PFKFB3: variants seen among roughly 807,000 people sequenced by gnomAD.
The protein encoded by PFKFB3 is 6-phosphofructo-2-kinase/fructose-2,6-bisphosphatase 3.
In PFKFB3, 33 loss-of-function variants were observed where a neutral mutation model predicts 68.0. That is an observed-to-expected ratio of 0.49 (90% CI 0.37 to 0.65). PFKFB3 has a LOEUF of 0.65. PFKFB3 is among the 30% of genes least tolerant of loss of function. PFKFB3 has a pLI of 0.00. For synonymous variants in PFKFB3, 315 were observed against 288.2 expected (o/e 1.09, Z -0.94); for missense variants, 586 against 712.2 (o/e 0.82, Z 2.02).
At chr10:6,218,033 T>C (rs1039622267) in intron 6 of PFKFB3, among the ~76,000 whole-genome samples, 2 of 152,352 alleles carry the variant, frequency 1.3e-5, no homozygotes, top group Admixed American at 1.3e-4. Flanking sequence ...GGAAATGAAT[T>C]CCTGTTTCAG....
intron 1 of PFKFB3, among the ~76,000 whole-genome samples, chr10:6,205,656 G>T (rs948304089): frequency 6.6e-5 from 10 of 152,090 alleles, no homozygotes; most frequent in African/African-American, 2.2e-4. Flanking sequence ...GCCTCCCAAA[G>T]TGCTGGGATT....
At chr10:6,149,721 T>C (rs1841515842) in intron 1 of PFKFB3, 1 of 160,042 alleles carries the variant, frequency 6.2e-6, no homozygotes, top group Non-Finnish European at 1.5e-5. Context: ...CCTTCCTCCC[T>C]CACCACTCCA....
the PFKFB3 span, among the ~76,000 whole-genome samples, chr10:6,303,282 AAAAG>A: frequency 4.7e-4 from 72 of 152,348 alleles, 1 homozygote; most frequent in Admixed American, 4.4e-3. Flanking sequence ...AAGAAAAAGA[AAAAG>A]AAAGAAAGAT....
At position 6,222,908 on chromosome 10, in the gene PFKFB3, G is replaced by A. The variant is rs1326813658; in HGVS notation, c.1137G>A (p.Arg379=). Residue 379 remains arginine (R), a synonymous_variant, in exon 11 of 15, where the codon CGG becomes CGA. Transcript: ENST00000379775. The stretch of plus-strand genomic sequence containing the variant: ...AGCCAGTGATCATGGAGCTGGAGCG[G>A]CAGGAGAATGTGCTGGTCATCTGCC... ...RLEPVIMELE[R]QENVLVICHQ... 1 of 1,613,760 alleles carries A rather than the reference G, an allele frequency of 6.2e-7. No homozygotes were observed. Among genetic ancestry groups the A allele is most frequent in the African/African-American group, 1.3e-5 (1 of 74,924 alleles).
chr10:6,217,074 G>A, intron 5 of PFKFB3, 61 bp from the exon 6 acceptor site: 1 of 1,528,224 alleles, frequency 6.5e-7, no homozygotes, highest in Middle Eastern at 1.7e-4. Context: ...ACATCGCAGT[G>A]ATGGCAAGGT....
chr10:6,201,001 G>C (rs1296030492), upstream of PFKFB3, among the ~76,000 whole-genome samples: 2 of 152,200 alleles, frequency 1.3e-5, no homozygotes, highest in Non-Finnish European at 2.9e-5. This position sits in a 1 kb window ranked among gnomAD's most constrained non-coding sequence, Gnocchi z 4.1. Context: ...TGTGGAAGAA[G>C]GCCCCCTGGT....
chr10:6,275,657 C>T, the PFKFB3 span, among the ~76,000 whole-genome samples: 1 of 152,160 alleles, frequency 6.6e-6, no homozygotes, highest in African/African-American at 2.4e-5. This position sits in a 1 kb window ranked among gnomAD's most constrained non-coding sequence, Gnocchi z 4.9. Flanking sequence ...GAGTCACGTT[C>T]TGTCACCCAG....
rs1171851379 is a variant in PFKFB3 at position 6,220,044 on chromosome 10, CCTTT to C, written c.623+356_623+359del. Among the ~76,000 whole-genome samples the C allele has an allele frequency of 6.6e-6, 1 of 152,046 alleles. No homozygotes were observed. The highest frequency in any genetic ancestry group is 2.4e-5 in the African/African-American group (1 of 41,378). On this transcript the variant is annotated intron_variant, in intron 7 of 14. Coordinates refer to ENST00000379775, the MANE Select transcript of PFKFB3 (RefSeq NM_004566.4). The surrounding 1 kb of genome is among the most constrained non-coding windows in gnomAD (Gnocchi z 4.1). ...TTTTGCTACTGTCCCTCCGATAGTT[CCTTT>C]CTTTTTTCTTTCCTTTCTTTCCATT...
intron 1 of PFKFB3, among the ~76,000 whole-genome samples, chr10:6,158,821 C>T (rs898610302): frequency 1.1e-4 from 17 of 151,642 alleles, no homozygotes; most frequent in African/African-American, 3.9e-4. Context: ...GAGCTGAAAT[C>T]GCAGCGCCAC....
intron 14 of PFKFB3, chr10:6,231,439 C>G: frequency 6.6e-7 from 1 of 1,522,708 alleles, no homozygotes; most frequent in Non-Finnish European, 8.8e-7. Context: ...AAGTGCAACA[C>G]CATTGTCGTG....
chr10:6,209,134 T>A (rs1390453655), intron 1 of PFKFB3, among the ~76,000 whole-genome samples: 1 of 152,204 alleles, frequency 6.6e-6, no homozygotes, highest in African/African-American at 2.4e-5. Context: ...GAATTGAAGT[T>A]CCGTGCCTGG....
chr10:6,166,755 T>C (rs191837302), intron 1 of PFKFB3, among the ~76,000 whole-genome samples: 136 of 152,156 alleles, frequency 8.9e-4, no homozygotes, highest in Non-Finnish European at 1.6e-3. Flanking sequence ...GACTTTGAGT[T>C]TAACAAATGT....
At chr10:6,219,458 CTT>C in intron 6 of PFKFB3, 109 bp from the exon 7 acceptor site, 1 of 1,193,144 alleles carries the variant, frequency 8.4e-7, no homozygotes, top group Non-Finnish European at 1.2e-6. Context: ...GCCGGATAAT[CTT>C]TATACTGAGC....
the PFKFB3 span, among the ~76,000 whole-genome samples, chr10:6,286,346 T>G: frequency 6.6e-6 from 1 of 152,192 alleles, no homozygotes; most frequent in South Asian, 2.1e-4. Context: ...GGGTCTTGTT[T>G]TTTAATTCAC....
At chr10:6,155,440 G>A (rs544725692) in intron 1 of PFKFB3, among the ~76,000 whole-genome samples, 3 of 152,152 alleles carry the variant, frequency 2.0e-5, no homozygotes, top group Admixed American at 6.6e-5. Flanking sequence ...TCCTGACCTC[G>A]TGATCCGCCC....
chr10:6,222,102 C>T (rs964556621), intron 10 of PFKFB3, among the ~76,000 whole-genome samples: 1 of 152,216 alleles, frequency 6.6e-6, no homozygotes, highest in Non-Finnish European at 1.5e-5. Flanking sequence ...GTGGCTGTGG[C>T]TGAGGACGCT....
At chr10:6,203,775 T>C (rs1843497101) in intron 1 of PFKFB3, among the ~76,000 whole-genome samples, 1 of 152,356 alleles carries the variant, frequency 6.6e-6, no homozygotes, top group East Asian at 1.9e-4. Flanking sequence ...CGCCTTGCTA[T>C]GCATTCCTAT....
At chr10:6,250,648 G>T (rs901755702) in intron 14 of PFKFB3, among the ~76,000 whole-genome samples, 3 of 151,890 alleles carry the variant, frequency 2.0e-5, no homozygotes, top group African/African-American at 7.3e-5. Context: ...ATGGGATTAG[G>T]TACCCTATAA....
intron 1 of PFKFB3, among the ~76,000 whole-genome samples, chr10:6,188,269 C>G (rs1246223367): frequency 6.6e-6 from 1 of 151,812 alleles, no homozygotes; most frequent in Non-Finnish European, 1.5e-5. Flanking sequence ...GTTCTGTTAT[C>G]TAATATGCAA....
Sources: allele counts gnomAD v4.1 joint callset (sites outside exome capture counted in the v4.1 genomes callset), GRCh38; gene constraint gnomAD v4.1.1; non-coding constraint Gnocchi (gnomAD v3.1); transcripts MANE v1.5; gene names NCBI Gene and HGNC (gene_info 2026-07-23, HGNC 2026-07-21).